DGKG: variants seen among roughly 807,000 people sequenced by gnomAD.
The protein encoded by DGKG is DAG kinase gamma.
In DGKG, 78 loss-of-function variants were observed where a neutral mutation model predicts 105.3. The ratio of observed to expected loss-of-function variants is 0.74; its 90% CI spans 0.62 to 0.89. The LOEUF is 0.89. Among genes scored for constraint, DGKG ranks in the 40% least tolerant of loss-of-function variants. The pLI is 0.00. For missense variants in DGKG, 958 were observed against 1,020.1 expected (o/e 0.94, Z 0.83); for synonymous variants, 346 against 367.1 (o/e 0.94, Z 0.66).
rs543439657 is a variant in DGKG, at chr3:186,310,690, T to C, written c.68-3713A>G. Among the ~76,000 whole-genome samples, 9 of 152,284 alleles carry C rather than the reference T, an allele frequency of 5.9e-5. No homozygotes were observed. In the South Asian group the frequency reaches 1.7e-3, roughly 28 times the overall value. On this transcript the variant is annotated intron_variant, in intron 2 of 24. Transcript: ENST00000265022. ...TCCAATAGTATAACCTCACAGAAAA[T>C]TCCTTTGTCAAAGCCTTTACCATAA...
chr3:186,275,694 A>C, intron 9 of DGKG, 30 bp from the exon 10 acceptor site: 1 of 1,568,428 alleles, frequency 6.4e-7, no homozygotes, highest in Non-Finnish European at 8.7e-7. Context: ...TGAGACCCCA[A>C]GCTGGCTGCC....
At chr3:186,340,048 C>T (rs1357254999) in intron 1 of DGKG, among the ~76,000 whole-genome samples, 2 of 152,214 alleles carry the variant, frequency 1.3e-5, no homozygotes, top group African/African-American at 4.8e-5. Flanking sequence ...CCTTCCCTTC[C>T]TCTTTATCAG....
chr3:186,353,448 C>G (rs558618881), intron 1 of DGKG, among the ~76,000 whole-genome samples: 2 of 151,294 alleles, frequency 1.3e-5, no homozygotes, highest in African/African-American at 4.9e-5. Flanking sequence ...GAACCTGGGA[C>G]GCAGAGGTTA....
chr3:186,194,803 TA>T (rs57878064), intron 21 of DGKG, among the ~76,000 whole-genome samples: 18,214 of 105,364 alleles, frequency 0.17, 1,693 homozygotes, highest in African/African-American at 0.26. Flanking sequence ...GGTCTTTCTT[TA>T]AAAAAAAAAA....
chr3:186,302,519 T>C (rs944515060), intron 3 of DGKG, among the ~76,000 whole-genome samples: 7 of 65,646 alleles, frequency 1.1e-4, no homozygotes, highest in African/African-American at 7.5e-4. Flanking sequence ...TATGTGTATA[T>C]ATATATATAT....
rs1718961243 is a variant in DGKG at position 186,210,108 on chromosome 3, G to T, written c.1917+1687C>A. Among the ~76,000 whole-genome samples, 5 of 152,284 alleles carry T rather than the reference G, an allele frequency of 3.3e-5. No homozygotes were observed. In the South Asian group the frequency reaches 8.3e-4, roughly 25 times the overall value. ...TCTCAAACCCAGAGGGGACTGTGGGGCCTGGAGCCGGGAGGGCAGGCCAGA... is the reference window on the plus strand; with the variant it reads ...TCTCAAACCCAGAGGGGACTGTGGGTCCTGGAGCCGGGAGGGCAGGCCAGA... On this transcript the variant is annotated intron_variant, in intron 21 of 24. Coordinates refer to ENST00000265022, the MANE Select transcript of DGKG (RefSeq NM_001346.3). This position sits in a 1 kb window ranked among gnomAD's most constrained non-coding sequence, Gnocchi z 5.2.
At chr3:186,222,841 G>A (rs942227023) in intron 20 of DGKG, among the ~76,000 whole-genome samples, 1 of 151,178 alleles carries the variant, frequency 6.6e-6, no homozygotes, top group Non-Finnish European at 1.5e-5. Context: ...AGCCAGGCGT[G>A]GTGGCGGGTG....
chr3:186,357,929 C>G (rs182815938), intron 1 of DGKG, among the ~76,000 whole-genome samples: 1 of 152,100 alleles, frequency 6.6e-6, no homozygotes, highest in East Asian at 1.9e-4. Flanking sequence ...CTGGTGTGAC[C>G]GAGGAACTGA....
At chr3:186,182,148 A>G (rs1578631668) in intron 22 of DGKG, among the ~76,000 whole-genome samples, 1 of 152,242 alleles carries the variant, frequency 6.6e-6, no homozygotes, top group Non-Finnish European at 1.5e-5. Context: ...ATGGGCAGCA[A>G]TAGCCAAACA....
At chr3:186,318,609 C>A (rs536724761) in intron 2 of DGKG, among the ~76,000 whole-genome samples, 1 of 152,044 alleles carries the variant, frequency 6.6e-6, no homozygotes, top group East Asian at 1.9e-4. Context: ...TAAGGTTGTG[C>A]GCCTAGGAAA....
intron 10 of DGKG, among the ~76,000 whole-genome samples, chr3:186,275,093 G>C (rs1047361814): frequency 6.6e-6 from 1 of 152,134 alleles, no homozygotes; most frequent in African/African-American, 2.4e-5. Context: ...TGGCAGGGCC[G>C]GTCTTAAACT....
chr3:186,357,984 A>G (rs1727051731), intron 1 of DGKG, among the ~76,000 whole-genome samples: 1 of 152,274 alleles, frequency 6.6e-6, no homozygotes, highest in Non-Finnish European at 1.5e-5. Flanking sequence ...TTAAACAGGA[A>G]ATAGTCACAT....
intron 1 of DGKG, among the ~76,000 whole-genome samples, chr3:186,322,541 A>T (rs1171891457): frequency 6.6e-6 from 1 of 152,154 alleles, no homozygotes; most frequent in Admixed American, 6.5e-5. Flanking sequence ...TGATTTACCC[A>T]TATAACAAAC....
chr3:186,268,899 C>T lies in DGKG; in HGVS notation c.1018G>A (p.Val340Met). 6.2e-7 allele frequency: 1 copy of T among 1,613,684 alleles called. No individual in the cohort carries two copies. The highest frequency in any genetic ancestry group is 8.5e-7 in the Non-Finnish European group (1 of 1,179,738). ...CACTTGACGGAGGAGTTCCCTTCCA[C>T]CCATGCGTGCTGCATCACCTGCGGG... ...RSGEVMQHAW[V>M]EGNSSVKCDR... Residue 340 changes from valine to methionine, a missense_variant, in exon 12 of 25, where the codon GTG becomes ATG. Physicochemically the swap from Val to Met is conservative, Grantham distance 21 (BLOSUM62 1). This residue lies in a region of DGKG where 643 missense variants were observed against 619.5 expected (regional missense o/e 1.04). Transcript: ENST00000265022.
At chr3:186,286,104 C>T (rs1369808917) in intron 6 of DGKG, among the ~76,000 whole-genome samples, 1 of 152,174 alleles carries the variant, frequency 6.6e-6, no homozygotes, top group Non-Finnish European at 1.5e-5. Flanking sequence ...GCTAAGTTGT[C>T]CTTGTGTCAT....
Position 186,217,399 on chromosome 3 carries a change from C to T in DGKG, c.1827-5514G>A, listed in dbSNP as rs867091491. Among the ~76,000 whole-genome samples, 10 of 152,252 alleles carry T rather than the reference C, an allele frequency of 6.6e-5. No individual in the cohort carries two copies. In the South Asian group the frequency reaches 8.3e-4, roughly 13 times the overall value. On this transcript the variant is annotated intron_variant, in intron 20 of 24. Coordinates refer to ENST00000265022, the MANE Select transcript of DGKG (RefSeq NM_001346.3). The stretch of plus-strand genomic sequence containing the variant: ...TCAGGCTCTGAACTATCCAGATGAA[C>T]CCATTCTTGAGGCAGAAGATCCTCC...
chr3:186,212,668 CAG>C (rs1719090639), intron 20 of DGKG, among the ~76,000 whole-genome samples: 1 of 152,084 alleles, frequency 6.6e-6, no homozygotes, highest in African/African-American at 2.4e-5. Context: ...TTTGCAAAGT[CAG>C]ATGGTGTGTC....
At chr3:186,282,310 C>G (rs1456968471) in intron 7 of DGKG, among the ~76,000 whole-genome samples, 1 of 152,162 alleles carries the variant, frequency 6.6e-6, no homozygotes, top group Non-Finnish European at 1.5e-5. Flanking sequence ...GCAGTCACCC[C>G]CAGCAGTGGA....
chr3:186,306,049 G>A (rs553604289), intron 3 of DGKG, among the ~76,000 whole-genome samples: 4 of 152,276 alleles, frequency 2.6e-5, no homozygotes, highest in East Asian at 1.9e-4. Context: ...TTGACCAACC[G>A]TGTCCAGTGT....
Sources: gnomAD v4.1 joint callset for allele counts (sites outside exome capture counted in the v4.1 genomes callset) on GRCh38, gnomAD v4.1.1 for gene constraint, gnomAD v4.1.1 regional missense constraint, Gnocchi (gnomAD v3.1) non-coding constraint, MANE v1.5 for transcripts, NCBI Gene and HGNC (gene_info 2026-07-23, HGNC 2026-07-21) for gene names.